SDC2: variants seen among roughly 807,000 people sequenced by gnomAD.
The protein encoded by SDC2 is syndecan 2, also known as syndecan-2.
In SDC2, 13 loss-of-function variants were observed where a neutral mutation model predicts 22.2. The ratio of observed to expected loss-of-function variants is 0.59; its 90% CI spans 0.38 to 0.93. The LOEUF is 0.93. Ranked by LOEUF, SDC2 falls within the 40% of genes least tolerant of loss-of-function variation. SDC2 has a pLI of 0.00. For synonymous variants in SDC2, 94 were observed against 92.8 expected (o/e 1.01, Z -0.07); for missense variants, 235 against 246.8 (o/e 0.95, Z 0.32).
rs1166990814 is a variant in SDC2, at chr8:96,559,606, T to C, written c.61-33874T>C. Among the ~76,000 whole-genome samples, 4 of 152,218 alleles carry C rather than the reference T, an allele frequency of 2.6e-5. No individual in the cohort carries two copies. In the East Asian group the frequency reaches 7.7e-4, roughly 29 times the overall value. The stretch of plus-strand genomic sequence containing the variant: ...CCAGTAGGTTTTGCTTCCTTCCCTT[T>C]TTAGTGGATTACCAGTGACGATTTA... On this transcript the variant is annotated intron_variant, in intron 1 of 4. Coordinates refer to ENST00000302190, the MANE Select transcript of SDC2 (RefSeq NM_002998.4).
At chr8:96,595,264 G>C (rs958878614) in intron 2 of SDC2, among the ~76,000 whole-genome samples, 9 of 152,184 alleles carry the variant, frequency 5.9e-5, no homozygotes, top group Non-Finnish European at 1.2e-4. Flanking sequence ...AAAATCAGTT[G>C]TGTCTTTGGT....
At position 96,534,162 on chromosome 8, in the gene SDC2, C is replaced by T. The variant is rs190588608; in HGVS notation, c.60+39831C>T. Among the ~76,000 whole-genome samples the T allele has an allele frequency of 7.4e-3, 1,130 of 152,300 alleles. 6 individuals carry two copies. The highest frequency in any genetic ancestry group is 0.012 in the African/African-American group (498 of 41,574). ...CTCACTCTGACCTGCAAGCGCCGTG[C>T]GCAGCCCCGGTTCCTGCCTGTGTTT... On this transcript the variant is annotated intron_variant, in intron 1 of 4. Coordinates refer to ENST00000302190, the MANE Select transcript of SDC2 (RefSeq NM_002998.4).
intron 1 of SDC2, among the ~76,000 whole-genome samples, chr8:96,575,398 C>T (rs1434915156): frequency 5.1e-5 from 6 of 116,960 alleles, no homozygotes; most frequent in East Asian, 5.3e-4. Context: ...GGGGTGGTGG[C>T]GGGGAGAGTT....
At chr8:96,503,124 A>G (rs1813190505) in intron 1 of SDC2, among the ~76,000 whole-genome samples, 1 of 152,238 alleles carries the variant, frequency 6.6e-6, no homozygotes, top group Non-Finnish European at 1.5e-5. Flanking sequence ...CTGGCTGATG[A>G]AAGGTTCCTT....
At chr8:96,532,544 G>A (rs1813681978) in intron 1 of SDC2, among the ~76,000 whole-genome samples, 1 of 149,852 alleles carries the variant, frequency 6.7e-6, no homozygotes, top group South Asian at 2.1e-4. Flanking sequence ...TTTTGCAGAA[G>A]TGTTGTGGAA....
intron 1 of SDC2, among the ~76,000 whole-genome samples, chr8:96,511,037 C>T (rs538779686): frequency 1.6e-4 from 24 of 152,240 alleles, no homozygotes; most frequent in African/African-American, 4.8e-4. Flanking sequence ...TACAGCTCCT[C>T]GGACCTTGTT....
intron 1 of SDC2, among the ~76,000 whole-genome samples, chr8:96,574,521 C>T (rs1472735714): frequency 6.6e-5 from 10 of 152,168 alleles, no homozygotes; most frequent in Non-Finnish European, 1.5e-4. Context: ...TGCCCTTCCC[C>T]ACCAAGCAAC....
intron 1 of SDC2, among the ~76,000 whole-genome samples, chr8:96,535,958 C>G (rs775435760): frequency 6.6e-5 from 10 of 152,052 alleles, no homozygotes; most frequent in Non-Finnish European, 1.2e-4. Context: ...TTTCATGCAG[C>G]TCAGAGGCAT....
intron 1 of SDC2, among the ~76,000 whole-genome samples, chr8:96,512,976 GT>G (rs1813350607): frequency 6.6e-6 from 1 of 151,404 alleles, no homozygotes; most frequent in Admixed American, 6.6e-5. Flanking sequence ...TCAAGGTTTT[GT>G]TTTCTTAGTA....
intron 1 of SDC2, among the ~76,000 whole-genome samples, chr8:96,564,060 G>A (rs963392116): frequency 5.3e-5 from 8 of 152,154 alleles, no homozygotes; most frequent in East Asian, 1.9e-4. Context: ...TGTTCCTGCC[G>A]TTACCAGGCC....
chr8:96,571,092 C>CA (rs925061950), intron 1 of SDC2, among the ~76,000 whole-genome samples: 1 of 152,042 alleles, frequency 6.6e-6, no homozygotes, highest in African/African-American at 2.4e-5. Context: ...TTTAAAAAGC[C>CA]AAAAAATATG....
intron 1 of SDC2, among the ~76,000 whole-genome samples, chr8:96,525,060 T>G (rs2130469373): frequency 6.6e-6 from 1 of 152,354 alleles, no homozygotes; most frequent in African/African-American, 2.4e-5. Context: ...TAGTCTGTAC[T>G]TTCAGCTCAT....
At chr8:96,592,898 C>T (rs1239947469) in intron 1 of SDC2, among the ~76,000 whole-genome samples, 2 of 152,220 alleles carry the variant, frequency 1.3e-5, no homozygotes, top group African/African-American at 4.8e-5. Flanking sequence ...TGTGGCTGGC[C>T]TCAGCACAGG....
chr8:96,606,347 C>G (rs1282844086), intron 3 of SDC2, among the ~76,000 whole-genome samples: 1 of 152,242 alleles, frequency 6.6e-6, no homozygotes, highest in African/African-American at 2.4e-5. Flanking sequence ...GGCTCCCTAC[C>G]CAGCCACCTT....
At chr8:96,536,949 T>C (rs548434791) in intron 1 of SDC2, among the ~76,000 whole-genome samples, 1 of 152,342 alleles carries the variant, frequency 6.6e-6, no homozygotes, top group African/African-American at 2.4e-5. Context: ...TGAGGAGTTT[T>C]ACATCTGAAT....
At chr8:96,497,483 G>A (rs192415278) in intron 1 of SDC2, among the ~76,000 whole-genome samples, 97 of 152,130 alleles carry the variant, frequency 6.4e-4, no homozygotes, top group Middle Eastern at 3.4e-3. Context: ...TAGTTTTGAT[G>A]GTAACCACCC....
intron 1 of SDC2, among the ~76,000 whole-genome samples, chr8:96,511,509 C>G (rs906920431): frequency 3.3e-5 from 5 of 152,152 alleles, no homozygotes; most frequent in Non-Finnish European, 7.3e-5. Context: ...TTTGTAGAAG[C>G]CAGCCCTTAG....
chr8:96,554,809 G>T (rs113988782), intron 1 of SDC2, among the ~76,000 whole-genome samples: 1 of 152,030 alleles, frequency 6.6e-6, no homozygotes, highest in African/African-American at 2.4e-5. Context: ...CAGGTCTGGC[G>T]GCTGCTTGTT....
intron 1 of SDC2, among the ~76,000 whole-genome samples, chr8:96,581,742 C>T (rs1017542300): frequency 6.6e-6 from 1 of 152,018 alleles, no homozygotes; most frequent in African/African-American, 2.4e-5. Context: ...GAAGGCAGCA[C>T]GGGAGTGGAT....
Sources: allele counts gnomAD v4.1 joint callset (sites outside exome capture counted in the v4.1 genomes callset), GRCh38; gene constraint gnomAD v4.1.1; transcripts MANE v1.5; gene names NCBI Gene and HGNC (gene_info 2026-07-23, HGNC 2026-07-21).